RPL11: variants seen among roughly 807,000 people sequenced by gnomAD.
RPL11 encodes large ribosomal subunit protein uL5.
RPL11 carries 3 observed loss-of-function variants against 24.1 expected under a neutral mutation model. The ratio of observed to expected loss-of-function variants is 0.12; its 90% CI spans 0.06 to 0.32. RPL11 has a LOEUF of 0.32. RPL11 is among the 10% of genes least tolerant of loss of function. The pLI is 1.00. For missense variants in RPL11, 146 were observed against 225.7 expected (o/e 0.65, Z 2.26); for synonymous variants, 96 against 75.7 (o/e 1.27, Z -1.39).
At chr1:23,691,965 C>G in intron 1 of RPL11, 136 bp downstream of exon 1, 1 of 1,175,078 alleles carries the variant, frequency 8.5e-7, no homozygotes, top group Admixed American at 1.7e-5. Context: ...CTAGCAGAGC[C>G]GTTCGAGCCA....
At chr1:23,691,872 C>T (rs773316820) in intron 1 of RPL11, 43 bp downstream of exon 1, 5 of 1,613,976 alleles carry the variant, frequency 3.1e-6, no homozygotes, top group Non-Finnish European at 4.2e-6. Flanking sequence ...TATCCGTCGC[C>T]ATCCATGGCA....
chr1:23,691,984 G>C (rs917849069), intron 1 of RPL11, 155 bp downstream of exon 1: 2 of 1,028,008 alleles, frequency 1.9e-6, no homozygotes, highest in African/African-American at 3.2e-5. Context: ...CAAGGACGCA[G>C]GGTTGAATTC....
chr1:23,692,288 C>T (rs150251180), intron 1 of RPL11: 10 of 425,100 alleles, frequency 2.4e-5, no homozygotes, highest in African/African-American at 2.0e-4. Flanking sequence ...TCTGTTTCTT[C>T]GCTCACTCCC....
intron 3 of RPL11, 46 bp from the exon 4 acceptor site, chr1:23,694,614 G>A: frequency 6.2e-7 from 1 of 1,612,398 alleles, no homozygotes; most frequent in Non-Finnish European, 8.5e-7. Context: ...GGGTGGGAGG[G>A]AGTTGAAGAT....
chr1:23,696,001 G>C (rs373013413), intron 5 of RPL11, 93 bp downstream of exon 5: 3 of 1,217,234 alleles, frequency 2.5e-6, no homozygotes, highest in Non-Finnish European at 3.6e-6. Context: ...CTATTTGCTG[G>C]GTATCTTCTT....
intron 2 of RPL11, among the ~76,000 whole-genome samples, chr1:23,693,438 A>G (rs1230403457): frequency 2.0e-5 from 3 of 152,226 alleles, no homozygotes; most frequent in Non-Finnish European, 4.4e-5. Flanking sequence ...TAAAATATGG[A>G]TAACAGTACA....
chr1:23,692,855 C>T (rs554359765), intron 2 of RPL11, 96 bp downstream of exon 2: 47 of 1,487,306 alleles, frequency 3.2e-5, no homozygotes, highest in African/African-American at 2.6e-4. Flanking sequence ...AAGTGACAGT[C>T]GGCATCACTT....
chr1:23,692,538 G>A, intron 1 of RPL11, 71 bp from the exon 2 acceptor site: 1 of 1,583,964 alleles, frequency 6.3e-7, no homozygotes, highest in South Asian at 1.1e-5. Flanking sequence ...AAAATGCTGT[G>A]CAGATAGAAA....
Position 23,694,908 on chromosome 1 carries a change from T to C in RPL11, c.396+117T>C, listed in dbSNP as rs1644524118. ...TGCAGCTTTGAATATTGTCTGCCTT[T>C]GTGTTCTCCTCCCCCTTGGGGAAAT... is the stretch of plus-strand genomic sequence containing the variant. On this transcript the variant is annotated intron_variant, in intron 4 of 5. Transcript: ENST00000643754. The C allele has an allele frequency of 2.7e-6, 4 of 1,495,804 alleles. No homozygotes were observed. In the South Asian group the frequency reaches 4.6e-5, roughly 17 times the overall value. The allele number at this position is 1,495,804 out of a possible 1,614,324, so 92.7% of individuals were successfully genotyped here. A position where few individuals can be genotyped will look rare whatever the true frequency, so the allele number is the denominator to read the frequency against.
intron 4 of RPL11, chr1:23,695,571 G>A: frequency 1.7e-6 from 1 of 580,340 alleles, no homozygotes; most frequent in Non-Finnish European, 3.1e-6. Context: ...AAATAGGCTG[G>A]GTTAGGGGGG....
At position 23,696,509 on chromosome 1, in the gene RPL11, T is replaced by A; in HGVS notation, c.*136T>A. On this transcript the variant is annotated 3_prime_UTR_variant, in exon 6 of 6. Coordinates refer to ENST00000643754, the MANE Select transcript of RPL11 (RefSeq NM_000975.5). ...CACTTAAAGCTTCGATGGGAGTAGC[T>A]GGTAACAACCCCGTCATCCTCTGAT... 4 of 809,586 alleles carry A rather than the reference T, an allele frequency of 4.9e-6. No homozygotes were observed. The highest frequency in any genetic ancestry group is 8.5e-6 in the Non-Finnish European group (4 of 470,802). 50.2% of individuals were successfully genotyped at this position (809,586 alleles called of 1,614,324 possible).
At chr1:23,694,965 G>A in intron 4 of RPL11, 174 bp downstream of exon 4, 2 of 954,822 alleles carry the variant, frequency 2.1e-6, no homozygotes, top group East Asian at 2.6e-5. Flanking sequence ...TAGGGGTGCA[G>A]CTCTGAACAA....
intron 5 of RPL11, 164 bp downstream of exon 5, chr1:23,696,072 G>C: frequency 1.3e-6 from 1 of 784,508 alleles, no homozygotes; most frequent in Non-Finnish European, 2.2e-6. Context: ...TGGTTTAAAA[G>C]AACATCCAGA....
intron 1 of RPL11, chr1:23,692,170 C>A (rs1169724150): frequency 6.1e-6 from 3 of 494,350 alleles, no homozygotes; most frequent in Non-Finnish European, 1.1e-5. Flanking sequence ...TGCTAGGAAA[C>A]CTTAGTCGGT....
Position 23,692,606 on chromosome 1 carries a change from C to T in RPL11, c.7-3C>T. ...TATTGACTGCTGCTCTTCCCTGTTG[C>T]AGCAGGATCAAGGTGAAAAGGAGAA... On this transcript the variant is annotated splice_region_variant and splice_polypyrimidine_tract_variant and intron_variant, in intron 1 of 5. Coordinates refer to ENST00000643754, the MANE Select transcript of RPL11 (RefSeq NM_000975.5). The T allele has an allele frequency of 6.2e-7, 1 of 1,614,056 alleles. No individual in the cohort carries two copies. The highest frequency in any genetic ancestry group is 8.5e-7 in the Non-Finnish European group (1 of 1,179,992).
intron 5 of RPL11, among the ~76,000 whole-genome samples, 182 bp from the exon 6 acceptor site, chr1:23,696,162 C>T (rs981541343): frequency 6.6e-6 from 1 of 152,094 alleles, no homozygotes; most frequent in Non-Finnish European, 1.5e-5. Context: ...CCCCCTTTCT[C>T]AGATGATAGT....
Position 23,696,546 on chromosome 1 carries a change from ATTTC to A in RPL11, c.*174_*177del. The A allele has an allele frequency of 1.5e-6, 1 of 679,814 alleles. No individual in the cohort carries two copies. Among genetic ancestry groups the A allele is most frequent in the Non-Finnish European group, 2.6e-6 (1 of 378,258 alleles). 42.1% of individuals were successfully genotyped at this position (679,814 alleles called of 1,614,324 possible). A position where few individuals can be genotyped will look rare whatever the true frequency, so the allele number is the denominator to read the frequency against. Reference sequence around the variant, plus strand: ...CGTCATCCTCTGATTGGATGCCAGTATTTCCTGGCAGATCCAAGTCCAAGCTTCA... The same window carrying A: ...CGTCATCCTCTGATTGGATGCCAGTACTGGCAGATCCAAGTCCAAGCTTCA... On this transcript the variant is annotated 3_prime_UTR_variant, in exon 6 of 6. Transcript: ENST00000643754.
rs767791246 is a variant in RPL11, at chr1:23,694,796, G to A, written c.396+5G>A. The A allele has an allele frequency of 5.0e-6, 8 of 1,614,142 alleles. No individual in the cohort carries two copies. The highest frequency in any genetic ancestry group is 1.1e-5 in the South Asian group (1 of 91,076). ...TACGGCCTGGACTTCTATGTGGTATGAATATTTAATCTTTTCCCGCTCCTG... is the reference window on the plus strand; with the variant it reads ...TACGGCCTGGACTTCTATGTGGTATAAATATTTAATCTTTTCCCGCTCCTG... On this transcript the variant is annotated splice_donor_5th_base_variant and intron_variant, in intron 4 of 5. Coordinates refer to ENST00000643754, the MANE Select transcript of RPL11 (RefSeq NM_000975.5).
At chr1:23,694,571 A>C in intron 3 of RPL11, 89 bp from the exon 4 acceptor site, 1 of 1,566,502 alleles carries the variant, frequency 6.4e-7, no homozygotes, top group Admixed American at 1.7e-5. Context: ...TCTGGGGTGC[A>C]TGTTGCAGGC....
Sources: gnomAD v4.1 joint callset for allele counts (sites outside exome capture counted in the v4.1 genomes callset) on GRCh38, gnomAD v4.1.1 for gene constraint, MANE v1.5 for transcripts, NCBI Gene and HGNC (gene_info 2026-07-23, HGNC 2026-07-21) for gene names.